The following DTX3 variants were observed in gnomAD, a reference collection of about 807,000 sequenced individuals.
DTX3 encodes the protein E3 ubiquitin-protein ligase DTX3.
Under a neutral mutation model 27.4 loss-of-function variants are expected in DTX3, and 10 were observed. The ratio of observed to expected loss-of-function variants is 0.36; its 90% CI spans 0.22 to 0.62. DTX3 has a LOEUF of 0.62. DTX3 is among the 20% of genes least tolerant of loss of function. DTX3 has a pLI of 0.68. For synonymous variants in DTX3, 171 were observed against 190.7 expected, an observed-to-expected ratio of 0.90 and a Z score of 0.85; for missense variants, 319 against 463.8, an observed-to-expected ratio of 0.69 and a Z score of 2.87.
At position 57,609,137 on chromosome 12, in the gene DTX3, T is replaced by G; in HGVS notation, c.1029T>G (p.Gly343=). 1.2e-6 allele frequency: 2 copies of G among 1,613,990 alleles called. No individual in the cohort carries two copies. The highest frequency in any genetic ancestry group is 1.7e-6 in the Non-Finnish European group (2 of 1,179,976). ...TGCAAGAGGAGCTGAGAGCGAAGGGTATCACAGATGACTGAAGGACATCGC... is the reference window on the plus strand; with the variant it reads ...TGCAAGAGGAGCTGAGAGCGAAGGGGATCACAGATGACTGAAGGACATCGC... ...TRVQEELRAK[G]ITDD The change falls in exon 7 of 7, where the codon GGT becomes GGG. Residue 343 remains glycine, a synonymous_variant. Transcript: ENST00000337737.
At position 57,606,999 on chromosome 12, in the gene DTX3, G is replaced by A; in HGVS notation, c.136G>A (p.Val46Met). Residue 46 changes from valine to methionine, a missense_variant, in exon 5 of 7, where the codon GTG becomes ATG. Val to Met is a conservative substitution (Grantham distance 21). This residue lies in a region of DTX3 where 202 missense variants were observed against 205.3 expected (regional missense o/e 0.98). Coordinates refer to ENST00000337737, the MANE Select transcript of DTX3 (RefSeq NM_178502.4). ...GGCCCGGCTTCGGGAGGAGCACCGT[G>A]TGTCCATCCTCATAGATGGCGAGAC... ...RLARLREEHRVSILIDGETSD... is the reference protein window; with the variant it reads ...RLARLREEHRMSILIDGETSD... 1 of 1,614,226 alleles carries A rather than the reference G, an allele frequency of 6.2e-7. No individual in the cohort carries two copies.
rs1883893055 is a variant in DTX3, at chr12:57,609,065, C to G, written c.969-12C>G. 1 of 1,613,536 alleles carries G rather than the reference C, an allele frequency of 6.2e-7. No individual in the cohort carries two copies. The highest frequency in any genetic ancestry group is 8.5e-7 in the Non-Finnish European group (1 of 1,179,574). ...GCTAACAACCCTCACCCTCATTTCT[C>G]TTTGCTCCCAGGTTTGGGTACCCAG... is the stretch of plus-strand genomic sequence containing the variant. On this transcript the variant is annotated splice_polypyrimidine_tract_variant and intron_variant, in intron 6 of 6. Transcript: ENST00000337737.
rs1430128071 is a variant in DTX3, at chr12:57,608,048, C to A, written c.750+435C>A. Reference sequence around the variant, plus strand: ...GTCAAGGCCTATAGGTGTCTTCCTGCTGGACAAAGAGTAATGTGCAATTCT... The same window carrying A: ...GTCAAGGCCTATAGGTGTCTTCCTGATGGACAAAGAGTAATGTGCAATTCT... On this transcript the variant is annotated intron_variant, in intron 5 of 6. Coordinates refer to ENST00000337737, the MANE Select transcript of DTX3 (RefSeq NM_178502.4). The surrounding 1 kb of genome is among the most constrained non-coding windows in gnomAD (Gnocchi z 6.1). 3.3e-5 allele frequency among the ~76,000 whole-genome samples: 5 copies of A among 152,144 alleles called. No individual in the cohort carries two copies. In the East Asian group the frequency reaches 7.7e-4, roughly 23 times the overall value.
At chr12:57,606,371 C>T in intron 3 of DTX3, 72 bp from the exon 4 acceptor site, 3 of 1,202,730 alleles carry the variant, frequency 2.5e-6, no homozygotes, top group Non-Finnish European at 3.5e-6. Context: ...GTTCCATGGG[C>T]TGCTGGGTTG....
At position 57,607,098 on chromosome 12, in the gene DTX3, C is replaced by G. The variant is rs1021036068; in HGVS notation, c.235C>G (p.Arg79Gly). The G allele has an allele frequency of 6.2e-7, 1 of 1,614,212 alleles. No homozygotes were observed. Among genetic ancestry groups the G allele is most frequent in the South Asian group, 1.1e-5 (1 of 91,084 alleles). ...CCCTCCAAATGGGCTCTACCTAGCC[C>G]GGAAGGCTCTCAAGGGGCTGCTAAA... ...PAPPNGLYLA[R>G]KALKGLLKEA... The change falls in exon 5 of 7, where the codon CGG (arginine) becomes GGG (glycine). Residue 79 changes from arginine (R) to glycine (G), a missense_variant. This residue lies in a region of DTX3 where 202 missense variants were observed against 205.3 expected (regional missense o/e 0.98). Transcript: ENST00000337737. This position sits in a 1 kb window ranked among gnomAD's most constrained non-coding sequence, Gnocchi z 7.7.
Position 57,606,933 on chromosome 12 carries a change from C to A in DTX3, c.70C>A (p.Pro24Thr). 1.2e-6 allele frequency: 2 copies of A among 1,614,212 alleles called. No individual in the cohort carries two copies. The highest frequency in any genetic ancestry group is 1.7e-6 in the Non-Finnish European group (2 of 1,180,044). The stretch of plus-strand genomic sequence containing the variant: ...CAAGAACAAAGTGACTGTGTCCAAG[C>A]CCGTGTGGGACTTCCTGAGCAAAGA... ...TCKNKVTVSK[P>T]VWDFLSKETP... The change falls in exon 5 of 7, where the codon CCC (proline) becomes ACC (threonine). Residue 24 changes from proline (P) to threonine (T), a missense_variant. This residue lies in a region of DTX3 where 202 missense variants were observed against 205.3 expected (regional missense o/e 0.98). Coordinates refer to ENST00000337737, the MANE Select transcript of DTX3 (RefSeq NM_178502.4).
In DTX3 at chr12:57,607,749, C is replaced by T; in HGVS notation, c.750+136C>T. On this transcript the variant is annotated intron_variant, in intron 5 of 6. Coordinates refer to ENST00000337737, the MANE Select transcript of DTX3 (RefSeq NM_178502.4). The surrounding 1 kb of genome is among the most constrained non-coding windows in gnomAD (Gnocchi z 7.7). The stretch of plus-strand genomic sequence containing the variant: ...CCACTGTGCCCTCCTACTCAGTGCC[C>T]TGGACCTAGGAGGTCCCCGTGAGGC... 1 of 1,214,004 alleles carries T rather than the reference C, an allele frequency of 8.2e-7. No homozygotes were observed. The highest frequency in any genetic ancestry group is 1.2e-6 in the Non-Finnish European group (1 of 854,602). The allele number at this position is 1,214,004 out of a possible 1,614,324, so 75.2% of individuals were successfully genotyped here. A position where few individuals can be genotyped will look rare whatever the true frequency, so the allele number is the denominator to read the frequency against.
chr12:57,606,747 G>T, intron 4 of DTX3, 118 bp from the exon 5 acceptor site: 1 of 1,427,890 alleles, frequency 7.0e-7, no homozygotes, highest in Non-Finnish European at 9.5e-7. Context: ...GAAGGGTTGG[G>T]GATTAGGCTT....
rs1412827859 is a variant in DTX3 at position 57,609,368 on chromosome 12, C to T, written c.*216C>T. On this transcript the variant is annotated 3_prime_UTR_variant, in exon 7 of 7. Transcript: ENST00000337737. ...TGAGCCACTCCCTTCTGGCAGAGGC[C>T]GACCTCCAAGGCTCTGTTCTCCCCT... 1 of 575,460 alleles carries T rather than the reference C, an allele frequency of 1.7e-6. No homozygotes were observed. Among genetic ancestry groups the T allele is most frequent in the Non-Finnish European group, 3.1e-6 (1 of 320,982 alleles). The allele number at this position is 575,460 out of a possible 1,614,324, so 35.6% of individuals were successfully genotyped here.
rs1056457580 is a variant in DTX3, at chr12:57,607,382, T to C, written c.519T>C (p.Asn173=). 1.2e-6 allele frequency: 2 copies of C among 1,608,726 alleles called. No homozygotes were observed. The highest frequency in any genetic ancestry group is 1.7e-6 in the Non-Finnish European group (2 of 1,177,066). ...TCPICLGEIQ[N]AKTLEKCRHS... ...CCATCTGTCTGGGGGAGATCCAGAA[T>C]GCCAAGACATTGGAGAAGTGCCGGC... The change falls in exon 5 of 7, where the codon AAT becomes AAC. Residue 173 remains asparagine (N), a synonymous_variant. Coordinates refer to ENST00000337737, the MANE Select transcript of DTX3 (RefSeq NM_178502.4). The surrounding 1 kb of genome is among the most constrained non-coding windows in gnomAD (Gnocchi z 7.7).
chr12:57,606,889 C>T lies in DTX3; in HGVS notation c.26C>T (p.Ala9Val). 1.9e-6 allele frequency: 3 copies of T among 1,613,038 alleles called. No homozygotes were observed. Among genetic ancestry groups the T allele is most frequent in the Non-Finnish European group, 2.5e-6 (3 of 1,179,402 alleles). Residue 9 changes from alanine (A) to valine (V), a missense_variant, in exon 5 of 7, where the codon GCA (alanine) becomes GTA (valine). Transcript: ENST00000337737. MSFVLSRMAACGGTCKNKV... is the reference protein window; with the variant it reads MSFVLSRMVACGGTCKNKV... ...GTGTCGTTCGTCCTGTCCAGAATGGCAGCCTGTGGAGGCACCTGCAAGAAC... is the reference window on the plus strand; with the variant it reads ...GTGTCGTTCGTCCTGTCCAGAATGGTAGCCTGTGGAGGCACCTGCAAGAAC...
intron 3 of DTX3, 79 bp from the exon 4 acceptor site, chr12:57,606,364 C>A: frequency 1.8e-6 from 2 of 1,124,910 alleles, no homozygotes; most frequent in South Asian, 1.5e-5. Context: ...TGTCTCTGTT[C>A]CATGGGCTGC....
In DTX3 at chr12:57,606,455, AC is replaced by A; in HGVS notation, c.-62del. The A allele has an allele frequency of 6.2e-7, 1 of 1,612,696 alleles. No homozygotes were observed. The highest frequency in any genetic ancestry group is 8.5e-7 in the Non-Finnish European group (1 of 1,179,536). On this transcript the variant is annotated 5_prime_UTR_variant, in exon 4 of 7. It introduces an in-frame stop codon into an upstream open reading frame of the 5' UTR. Coordinates refer to ENST00000337737, the MANE Select transcript of DTX3 (RefSeq NM_178502.4). Reference sequence around the variant, plus strand: ...TCCGCCCTACCAGGTCACACGACCTACAAGTAGGGAGCAGGGAAAGAAGAGT... The same window carrying A: ...TCCGCCCTACCAGGTCACACGACCTAAAGTAGGGAGCAGGGAAAGAAGAGT...
chr12:57,606,418 T>G, intron 3 of DTX3, 25 bp from the exon 4 acceptor site: 1 of 1,581,698 alleles, frequency 6.3e-7, no homozygotes, highest in Non-Finnish European at 8.6e-7. Context: ...TTTCTCACTT[T>G]CCTTCCATTT....
chr12:57,606,630 A>G (rs2140206794), intron 4 of DTX3, 112 bp downstream of exon 4: 1 of 1,477,430 alleles, frequency 6.8e-7, no homozygotes, highest in Non-Finnish European at 9.3e-7. Flanking sequence ...GACAGGAGAA[A>G]CAAGACTGAT....
Position 57,609,243 on chromosome 12 carries a change from C to A in DTX3, c.*91C>A. 1 of 1,192,330 alleles carries A rather than the reference C, an allele frequency of 8.4e-7. No individual in the cohort carries two copies. 73.9% of individuals were successfully genotyped at this position (1,192,330 alleles called of 1,614,324 possible). On this transcript the variant is annotated 3_prime_UTR_variant, in exon 7 of 7. Transcript: ENST00000337737. ...TCCTCTCTGCCCCCTGCCCCCCACA[C>A]CACACCTGTAGGGGACCTGTCTGAC... is the stretch of plus-strand genomic sequence containing the variant.
chr12:57,607,110 A>G lies in DTX3; in HGVS notation c.247A>G (p.Lys83Glu). The stretch of plus-strand genomic sequence containing the variant: ...GCTCTACCTAGCCCGGAAGGCTCTC[A>G]AGGGGCTGCTAAAAGAGGCAGAGAA... The part of the protein sequence containing the change: ...NGLYLARKAL[K>E]GLLKEAEKEL... The change falls in exon 5 of 7, where the codon AAG becomes GAG. Residue 83 changes from lysine to glutamate, a missense_variant. This residue lies in a region of DTX3 where 202 missense variants were observed against 205.3 expected (regional missense o/e 0.98). Coordinates refer to ENST00000337737, the MANE Select transcript of DTX3 (RefSeq NM_178502.4). This position sits in a 1 kb window ranked among gnomAD's most constrained non-coding sequence, Gnocchi z 7.7. 1 of 1,614,164 alleles carries G rather than the reference A, an allele frequency of 6.2e-7. No individual in the cohort carries two copies. Among genetic ancestry groups the G allele is most frequent in the Non-Finnish European group, 8.5e-7 (1 of 1,180,020 alleles).
At position 57,606,234 on chromosome 12, in the gene DTX3, T is replaced by C; in HGVS notation, c.-94T>C. 1 of 447,444 alleles carries C rather than the reference T, an allele frequency of 2.2e-6. No individual in the cohort carries two copies. The allele number at this position is 447,444 out of a possible 1,614,324, so 27.7% of individuals were successfully genotyped here. ...AATAGAAGGATTTCTGCTGCCATCA[T>C]CTTCCATGGGCTTTCCAGGTATCTC... On this transcript the variant is annotated 5_prime_UTR_variant, in exon 3 of 7. Transcript: ENST00000337737.
In DTX3 at chr12:57,609,233, G is replaced by GC; in HGVS notation, c.*87dup. The GC allele has an allele frequency of 3.0e-6, 4 of 1,315,904 alleles. No homozygotes were observed. The highest frequency in any genetic ancestry group is 3.3e-6 in the Non-Finnish European group (3 of 920,646). 81.5% of individuals were successfully genotyped at this position (1,315,904 alleles called of 1,614,324 possible). A position where few individuals can be genotyped will look rare whatever the true frequency, so the allele number is the denominator to read the frequency against. ...AGCCTCTTTCTCCTCTCTGCCCCCT[G>GC]CCCCCCACACCACACCTGTAGGGGA... is the stretch of plus-strand genomic sequence containing the variant. On this transcript the variant is annotated 3_prime_UTR_variant, in exon 7 of 7. Transcript: ENST00000337737.
Sources: allele counts gnomAD v4.1 joint callset (sites outside exome capture counted in the v4.1 genomes callset), GRCh38; gene constraint gnomAD v4.1.1; regional missense constraint gnomAD v4.1.1; non-coding constraint Gnocchi (gnomAD v3.1); transcripts MANE v1.5; gene names NCBI Gene and HGNC (gene_info 2026-07-23, HGNC 2026-07-21).